Variants in MAST4 observed in about 807,000 individuals in gnomAD.
The protein encoded by MAST4 is microtubule-associated serine/threonine-protein kinase 4.
MAST4 carries 89 observed loss-of-function variants against 162.7 expected under a neutral mutation model. The ratio of observed to expected loss-of-function variants is 0.55; its 90% confidence interval spans 0.46 to 0.65. The LOEUF (loss-of-function observed/expected upper bound fraction) is 0.65. Ranked by LOEUF, MAST4 falls within the 30% of genes least tolerant of loss-of-function variation. MAST4 has a pLI of 0.00. For missense variants in MAST4, 3,153 were observed against 3,374.0 expected, an observed-to-expected ratio of 0.93 and a Z score of 1.62; for synonymous variants, 1,479 against 1,361.1, an observed-to-expected ratio of 1.09 and a Z score of -1.91.
chr5:67,094,045 A>T, intron 6 of MAST4: 1 of 582,932 alleles, frequency 1.7e-6, no homozygotes, highest in Non-Finnish European at 2.8e-6. Flanking sequence ...AAAGTATTTC[A>T]AAAGAACATA....
At chr5:66,683,630 C>T (rs1209995963) in intron 1 of MAST4, among the ~76,000 whole-genome samples, 2 of 152,152 alleles carry the variant, frequency 1.3e-5, no homozygotes, top group African/African-American at 4.8e-5. Context: ...TGTCCCTGAG[C>T]AGCCGTGCCC....
In MAST4 at chr5:67,110,089, T is replaced by A; in HGVS notation, c.1357-9T>A. 1 of 1,606,636 alleles carries A rather than the reference T, an allele frequency of 6.2e-7. No homozygotes were observed. The highest frequency in any genetic ancestry group is 8.5e-7 in the Non-Finnish European group (1 of 1,173,284). ...CTGCATCATCACTCTCTTTATTGCT[T>A]TTTCATAGGCTCATGATCGTTCAGA... On this transcript the variant is annotated splice_polypyrimidine_tract_variant and intron_variant, in intron 10 of 28. Transcript: ENST00000403625.
chr5:67,156,346 A>C (rs1772533742), intron 26 of MAST4, among the ~76,000 whole-genome samples: 1 of 152,184 alleles, frequency 6.6e-6, no homozygotes, highest in South Asian at 2.1e-4. Flanking sequence ...CCACTACCAC[A>C]GCACACTGCT....
At chr5:66,850,807 A>G (rs1247888491) in intron 3 of MAST4, among the ~76,000 whole-genome samples, 1 of 152,124 alleles carries the variant, frequency 6.6e-6, no homozygotes, top group Non-Finnish European at 1.5e-5. Flanking sequence ...TAAAAAAAGG[A>G]ACTGGTTCTT....
intron 1 of MAST4, among the ~76,000 whole-genome samples, chr5:66,751,302 C>T (rs941226110): frequency 1.3e-5 from 2 of 152,220 alleles, no homozygotes; most frequent in Non-Finnish European, 2.9e-5. Context: ...TGGAGAATGA[C>T]TTTGACGAGC....
intron 14 of MAST4, among the ~76,000 whole-genome samples, chr5:67,126,362 G>C (rs962038593): frequency 1.3e-5 from 2 of 152,138 alleles, no homozygotes; most frequent in African/African-American, 4.8e-5. Context: ...TTCCTCTAGG[G>C]TTTTTATGGT....
intron 19 of MAST4, among the ~76,000 whole-genome samples, chr5:67,138,449 T>C (rs1174489979): frequency 2.0e-5 from 3 of 152,160 alleles, no homozygotes; most frequent in Non-Finnish European, 2.9e-5. Flanking sequence ...GTTTGTTTGT[T>C]TAGAGATGGC....
chr5:67,005,510 A>C (rs75532787), intron 4 of MAST4, among the ~76,000 whole-genome samples: 2,590 of 152,316 alleles, frequency 0.017, 87 homozygotes, highest in African/African-American at 0.06. Context: ...TATAAGATGC[A>C]GATGTACGAT....
At chr5:67,024,838 T>C (rs1754443313) in intron 4 of MAST4, among the ~76,000 whole-genome samples, 1 of 151,794 alleles carries the variant, frequency 6.6e-6, no homozygotes, top group Non-Finnish European at 1.5e-5. Context: ...CCATGTTTTT[T>C]TTTTTATTTT....
chr5:67,114,093 G>T lies in MAST4; in HGVS notation c.1465G>T (p.Asp489Tyr), dbSNP rs267600668. 1.2e-6 allele frequency: 2 copies of T among 1,613,610 alleles called. No homozygotes were observed. The highest frequency in any genetic ancestry group is 1.7e-6 in the Non-Finnish European group (2 of 1,179,796). ...TGTGATTGTCTTCGGCTAGGAATTTGATCCGGAAGAATTTTACTACCTATT... is the reference window on the plus strand; with the variant it reads ...TGTGATTGTCTTCGGCTAGGAATTTTATCCGGAAGAATTTTACTACCTATT... ...PARLLECLEF[D>Y]PEEFYYLLEA... The change falls in exon 12 of 29, where the codon GAT (aspartate) becomes TAT (tyrosine). Residue 489 changes from aspartate (D) to tyrosine (Y), a missense_variant. This residue lies in a region of MAST4 where 360 missense variants were observed against 450.0 expected (regional missense o/e 0.80). Transcript: ENST00000403625.
chr5:66,942,247 TG>T (rs1176051531), intron 4 of MAST4, among the ~76,000 whole-genome samples: 1 of 152,136 alleles, frequency 6.6e-6, no homozygotes, highest in Non-Finnish European at 1.5e-5. Flanking sequence ...AAAATTATAC[TG>T]GAAGACTATG....
intron 3 of MAST4, among the ~76,000 whole-genome samples, chr5:66,860,996 A>G (rs932858708): frequency 6.6e-6 from 1 of 152,128 alleles, no homozygotes; most frequent in Non-Finnish European, 1.5e-5. Flanking sequence ...AAGGCCAGCT[A>G]TGGGGCCATC....
At chr5:66,746,861 T>C (rs1752790120) in intron 1 of MAST4, among the ~76,000 whole-genome samples, 1 of 152,240 alleles carries the variant, frequency 6.6e-6, no homozygotes, top group Non-Finnish European at 1.5e-5. Flanking sequence ...CCCAGTGTCA[T>C]TGTTCCTAAA....
In MAST4 at chr5:67,130,288, T is replaced by G. The variant is rs770611285; in HGVS notation, c.1824T>G (p.Leu608=). ...AGATTAATAAACAGAACCTCATCCT[T>G]CGAAACCAGATCCAGCAGGCCTTTG... ...MKKINKQNLI[L]RNQIQQAFVE... The change falls in exon 15 of 29, where the codon CTT becomes CTG. Residue 608 remains leucine (L), a synonymous_variant. Coordinates refer to ENST00000403625, the MANE Select transcript of MAST4 (RefSeq NM_001164664.2). 3.1e-6 allele frequency: 5 copies of G among 1,613,678 alleles called. No individual in the cohort carries two copies. Among genetic ancestry groups the G allele is most frequent in the Non-Finnish European group, 4.2e-6 (5 of 1,179,802 alleles).
At chr5:66,647,751 C>T (rs1345061917) in intron 1 of MAST4, among the ~76,000 whole-genome samples, 1 of 152,018 alleles carries the variant, frequency 6.6e-6, no homozygotes, top group Non-Finnish European at 1.5e-5. Flanking sequence ...CTGGCCAGCT[C>T]CTGCCTCTTT....
chr5:66,875,436 T>C (rs1050368325), intron 3 of MAST4, among the ~76,000 whole-genome samples: 5 of 152,232 alleles, frequency 3.3e-5, no homozygotes, highest in Admixed American at 6.5e-5. Flanking sequence ...CTGAAACTTA[T>C]TAACTATGAC....
intron 1 of MAST4, among the ~76,000 whole-genome samples, chr5:66,725,197 CAGAA>C (rs1325344619): frequency 6.6e-6 from 1 of 151,946 alleles, no homozygotes; most frequent in African/African-American, 2.4e-5. Context: ...AATTTTTCCT[CAGAA>C]AGTTTAAAAG....
intron 1 of MAST4, among the ~76,000 whole-genome samples, chr5:66,616,190 T>C (rs979058668): frequency 6.6e-6 from 1 of 152,160 alleles, no homozygotes; most frequent in Non-Finnish European, 1.5e-5. Context: ...GAAGAAGAAC[T>C]CTAGGAAAGA....
At chr5:66,697,389 C>CA (rs1749476925) in intron 1 of MAST4, among the ~76,000 whole-genome samples, 1 of 152,122 alleles carries the variant, frequency 6.6e-6, no homozygotes, top group African/African-American at 2.4e-5. Context: ...TAATGATAAC[C>CA]ATATCAGAAA....
Sources: allele counts gnomAD v4.1 joint callset (sites outside exome capture counted in the v4.1 genomes callset), GRCh38; gene constraint gnomAD v4.1.1; regional missense constraint gnomAD v4.1.1; transcripts MANE v1.5; gene names NCBI Gene and HGNC (gene_info 2026-07-23, HGNC 2026-07-21).